Variants in KIAA0586 observed in about 807,000 individuals in gnomAD.
The protein encoded by KIAA0586 is KIAA0586.
In KIAA0586, 144 loss-of-function variants were observed where a neutral mutation model predicts 169.8. The observed-to-expected ratio is 0.85, with a 90% CI of 0.74 to 0.97. The LOEUF (loss-of-function observed/expected upper bound fraction) is 0.97, where lower values mean the gene tolerates loss of function less well. Among genes scored for constraint, KIAA0586 ranks in the 50% least tolerant of loss-of-function variants. The pLI is 0.00. For missense variants in KIAA0586, 1,854 were observed against 1,823.0 expected, an observed-to-expected ratio of 1.02 and a Z score of -0.31; for synonymous variants, 625 against 612.4, an observed-to-expected ratio of 1.02 and a Z score of -0.30.
At chr14:58,523,804 T>A (rs1369640404) in intron 29 of KIAA0586, among the ~76,000 whole-genome samples, 1 of 151,684 alleles carries the variant, frequency 6.6e-6, no homozygotes, top group Non-Finnish European at 1.5e-5. Context: ...GCTTAAGTGA[T>A]CCTCCCACCT....
chr14:58,534,120 A>C (rs1595519515), intron 29 of KIAA0586, among the ~76,000 whole-genome samples: 1 of 152,316 alleles, frequency 6.6e-6, no homozygotes, highest in South Asian at 2.1e-4. Flanking sequence ...CCATAATTTG[A>C]GAGAAGTCTT....
chr14:58,500,800 AAAAG>A (rs2043516172), intron 27 of KIAA0586, among the ~76,000 whole-genome samples: 1 of 152,162 alleles, frequency 6.6e-6, no homozygotes, highest in Non-Finnish European at 1.5e-5. Context: ...ATCACCAAAA[AAAAG>A]GGGATGAAAT....
intron 28 of KIAA0586, 104 bp downstream of exon 28, chr14:58,508,813 T>TTCAAA: frequency 6.3e-6 from 5 of 796,346 alleles, no homozygotes; most frequent in Non-Finnish European, 9.9e-6. Flanking sequence ...GTCAGATAGC[T>TTCAAA]TCAAATCATG....
At position 58,444,012 on chromosome 14, in the gene KIAA0586, A is replaced by G; in HGVS notation, c.644A>G (p.Gln215Arg). The change falls in exon 6 of 31, where the codon CAG becomes CGG. Residue 215 changes from glutamine to arginine, a missense_variant. Physicochemically the swap from Gln to Arg is conservative, Grantham distance 43. Coordinates refer to ENST00000652326, the MANE Select transcript of KIAA0586 (RefSeq NM_001329943.3). The part of the protein sequence containing the change: ...NSVTELLSKL[Q>R]ETDKHLQRVT... ...GTTACAGAATTACTTAGTAAATTAC[A>G]GGAGACTGATAAACACCTGCAACGT... is the stretch of plus-strand genomic sequence containing the variant. 1 of 1,612,022 alleles carries G rather than the reference A, an allele frequency of 6.2e-7. No homozygotes were observed. Among genetic ancestry groups the G allele is most frequent in the South Asian group, 1.1e-5 (1 of 90,710 alleles).
intron 25 of KIAA0586, among the ~76,000 whole-genome samples, chr14:58,490,704 C>T (rs75574960): frequency 3.3e-5 from 5 of 152,076 alleles, no homozygotes; most frequent in Admixed American, 1.3e-4. Flanking sequence ...TTTTATCTAG[C>T]TCTGTAGAAG....
chr14:58,542,155 G>A (rs965697732), intron 30 of KIAA0586, among the ~76,000 whole-genome samples: 2 of 152,004 alleles, frequency 1.3e-5, no homozygotes, highest in African/African-American at 4.8e-5. Flanking sequence ...CTAAAACTGT[G>A]ATTTAGCTTG....
At chr14:58,503,156 A>G (rs559101312) in intron 27 of KIAA0586, among the ~76,000 whole-genome samples, 13 of 152,178 alleles carry the variant, frequency 8.5e-5, no homozygotes, top group Non-Finnish European at 1.6e-4. Context: ...ACAGCTTTTT[A>G]TTTACTCAAA....
Position 58,465,948 on chromosome 14 carries a change from T to A in KIAA0586, c.2173T>A (p.Tyr725Asn). The change falls in exon 15 of 31, where the codon TAT becomes AAT. Residue 725 changes from tyrosine to asparagine, a missense_variant. Transcript: ENST00000652326. ...TGTGTTACCTCATGGCGATCAGCAA[T>A]ATTTGTTCAGCCCAAGTAGAGAAAT... The part of the protein sequence containing the change: ...VPVLPHGDQQ[Y>N]LFSPSREMPT... 1 of 1,613,520 alleles carries A rather than the reference T, an allele frequency of 6.2e-7. No homozygotes were observed. Among genetic ancestry groups the A allele is most frequent in the Non-Finnish European group, 8.5e-7 (1 of 1,179,510 alleles).
chr14:58,502,139 T>C (rs1029718535), intron 27 of KIAA0586, among the ~76,000 whole-genome samples: 1 of 152,160 alleles, frequency 6.6e-6, no homozygotes. Flanking sequence ...TGTCTTTTTT[T>C]TTTTCTTTTC....
At chr14:58,494,195 A>C (rs2043007549) in intron 26 of KIAA0586, among the ~76,000 whole-genome samples, 1 of 149,446 alleles carries the variant, frequency 6.7e-6, no homozygotes. Flanking sequence ...TTATCCCTTA[A>C]ATTTTCTGTC....
At chr14:58,560,513 A>T in the KIAA0586 span, among the ~76,000 whole-genome samples, 1 of 152,208 alleles carries the variant, frequency 6.6e-6, no homozygotes, top group Non-Finnish European at 1.5e-5. Context: ...TCTGAAGTCC[A>T]TTGAAAATGT....
intron 11 of KIAA0586, 97 bp downstream of exon 11, chr14:58,458,076 A>G (rs1336950662): frequency 5.1e-6 from 4 of 780,926 alleles, no homozygotes; most frequent in Admixed American, 3.0e-5. Flanking sequence ...ATTAGTTTTC[A>G]TATTTTTAAA....
In KIAA0586 at chr14:58,508,591, C is replaced by A. The variant is rs1192275891; in HGVS notation, c.4205C>A (p.Pro1402Gln). The change falls in exon 28 of 31, where the codon CCA becomes CAA. Residue 1402 changes from proline (P) to glutamine (Q), a missense_variant. Physicochemically the swap from Pro to Gln is moderately conservative, Grantham distance 76. Coordinates refer to ENST00000652326, the MANE Select transcript of KIAA0586 (RefSeq NM_001329943.3). Reference sequence around the variant, plus strand: ...GAAGATTCATGTGCTAGTCATGGTCCAATGAGTTTGGGAGAATTGGAGTTG... The same window carrying A: ...GAAGATTCATGTGCTAGTCATGGTCAAATGAGTTTGGGAGAATTGGAGTTG... ...IYEDSCASHG[P>Q]MSLGELELEP... The A allele has an allele frequency of 3.8e-6, 6 of 1,597,806 alleles. No individual in the cohort carries two copies. The African/African-American group carries it at 8.0e-5, about 21-fold the overall frequency.
rs148891396 is a variant in KIAA0586, at chr14:58,458,172, G to A, written c.1583+193G>A. Among the ~76,000 whole-genome samples the A allele has an allele frequency of 2.8e-3, 431 of 152,162 alleles. 4 individuals are homozygous for A. The highest frequency in any genetic ancestry group is 9.9e-3 in the African/African-American group (413 of 41,528). On this transcript the variant is annotated intron_variant, in intron 11 of 30. Coordinates refer to ENST00000652326, the MANE Select transcript of KIAA0586 (RefSeq NM_001329943.3). ...ATGGTGGTACTACTTTTTTCTGGTG[G>A]AAATTTTTCTTTTAATTTTTTCTTT...
At chr14:58,503,965 T>C (rs1368876362) in intron 27 of KIAA0586, among the ~76,000 whole-genome samples, 1 of 152,176 alleles carries the variant, frequency 6.6e-6, no homozygotes, top group Non-Finnish European at 1.5e-5. Context: ...GATCGCTTTG[T>C]ATACAAAATG....
chr14:58,536,995 T>G (rs952658710), intron 29 of KIAA0586: 22 of 1,263,008 alleles, frequency 1.7e-5, no homozygotes, highest in Non-Finnish European at 2.1e-5. Flanking sequence ...CAGTATTATG[T>G]TTTTTTTTCA....
At chr14:58,507,156 A>T (rs1443434859) in intron 27 of KIAA0586, among the ~76,000 whole-genome samples, 1 of 39,638 alleles carries the variant, frequency 2.5e-5, no homozygotes, top group East Asian at 8.1e-4. Flanking sequence ...CTTTAAAAAA[A>T]AAAAAAGTGT....
intron 27 of KIAA0586, among the ~76,000 whole-genome samples, chr14:58,500,823 C>T (rs750407901): frequency 1.3e-5 from 2 of 151,368 alleles, no homozygotes; most frequent in Non-Finnish European, 2.9e-5. Flanking sequence ...ATCTGAAAAA[C>T]AGCTTTACGT....
chr14:58,470,780 CTAAT>C (rs1178781683), intron 17 of KIAA0586, 57 bp downstream of exon 17: 4 of 788,494 alleles, frequency 5.1e-6, no homozygotes, highest in Admixed American at 4.0e-5. Context: ...TAGATTTTAA[CTAAT>C]TACTCCATTT....
Sources: gnomAD v4.1 joint callset for allele counts (sites outside exome capture counted in the v4.1 genomes callset) on GRCh38, gnomAD v4.1.1 for gene constraint, MANE v1.5 for transcripts, NCBI Gene and HGNC (gene_info 2026-07-23, HGNC 2026-07-21) for gene names.